CFAP221: variants seen among roughly 807,000 people sequenced by gnomAD.
CFAP221 encodes the protein cilia- and flagella-associated protein 221.
CFAP221 carries 97 observed loss-of-function variants against 113.1 expected under a neutral mutation model. That is an observed-to-expected ratio of 0.86 (90% CI 0.73 to 1.02). CFAP221 has a LOEUF of 1.02. CFAP221 is among the 50% of genes least tolerant of loss of function. The pLI is 0.00. For missense variants in CFAP221, 1,025 were observed against 1,013.4 expected, an observed-to-expected ratio of 1.01 and a Z score of -0.16; for synonymous variants, 331 against 354.4, an observed-to-expected ratio of 0.93 and a Z score of 0.74.
chr2:119,587,111 T>G lies in CFAP221; in HGVS notation c.528-8T>G. 6.7e-7 allele frequency: 1 copy of G among 1,492,166 alleles called. No individual in the cohort carries two copies. Among genetic ancestry groups the G allele is most frequent in the Non-Finnish European group, 8.9e-7 (1 of 1,127,758 alleles). The allele number at this position is 1,492,166 out of a possible 1,614,324, so 92.4% of individuals were successfully genotyped here. ...ATATTTTTATTTTCTTTTTTGTTTG[T>G]TTTGCAGCAAAACTTATGTTATTCC... On this transcript the variant is annotated splice_polypyrimidine_tract_variant and splice_region_variant and intron_variant, in intron 6 of 23. Transcript: ENST00000413369.
chr2:119,618,849 G>A (rs896778288), intron 14 of CFAP221, among the ~76,000 whole-genome samples: 5 of 152,080 alleles, frequency 3.3e-5, no homozygotes, highest in South Asian at 2.1e-4. Flanking sequence ...TGAAATTCTC[G>A]CTGCCAGCAC....
rs1378038760 is a variant in CFAP221 at position 119,584,980 on chromosome 2, T to C, written c.528-2139T>C. ...TCTACTGCAGGTGCATGTGGAGTCA[T>C]GCAGTAGGATCTTCACTGCCACATT... is the stretch of plus-strand genomic sequence containing the variant. On this transcript the variant is annotated intron_variant, in intron 6 of 23. Transcript: ENST00000413369. Among the ~76,000 whole-genome samples, 4 of 152,224 alleles carry C rather than the reference T, an allele frequency of 2.6e-5. No homozygotes were observed. The South Asian group carries it at 6.2e-4, about 24-fold the overall frequency.
At chr2:119,608,620 G>A in intron 12 of CFAP221, 31 bp downstream of exon 12, 1 of 1,562,046 alleles carries the variant, frequency 6.4e-7, no homozygotes, top group South Asian at 1.1e-5. Context: ...GCTATCATTT[G>A]TTTCGCTAGA....
downstream of CFAP221, among the ~76,000 whole-genome samples, chr2:119,658,608 C>A (rs1688525613): frequency 6.6e-6 from 1 of 150,992 alleles, no homozygotes; most frequent in African/African-American, 2.5e-5. Flanking sequence ...ATACTGAGCC[C>A]CCCTCAACAC....
At chr2:119,632,841 A>G (rs538247533) in intron 19 of CFAP221, among the ~76,000 whole-genome samples, 45 of 152,300 alleles carry the variant, frequency 3.0e-4, no homozygotes, top group South Asian at 1.2e-3. Context: ...TCTGTATACT[A>G]GCAACAAACA....
rs370348408 is a variant in CFAP221 at position 119,656,518 on chromosome 2, G to A, written c.*48G>A. On this transcript the variant is annotated 3_prime_UTR_variant, in exon 24 of 24. Coordinates refer to ENST00000413369, the MANE Select transcript of CFAP221 (RefSeq NM_001271049.2). The stretch of plus-strand genomic sequence containing the variant: ...TTCCATTTGCTTTCCGTGGGCCACT[G>A]TGGCCCCTTGCGTCCATTTACATGC... 1 of 1,350,274 alleles carries A rather than the reference G, an allele frequency of 7.4e-7. No homozygotes were observed. The highest frequency in any genetic ancestry group is 2.3e-5 in the East Asian group (1 of 43,040). The allele number at this position is 1,350,274 out of a possible 1,614,324, so 83.6% of individuals were successfully genotyped here.
At chr2:119,581,423 C>T (rs6706143) in intron 6 of CFAP221, among the ~76,000 whole-genome samples, 28,654 of 151,744 alleles carry the variant, frequency 0.19, 2,888 homozygotes, top group African/African-American at 0.25. Context: ...ATATAGTCAC[C>T]GAAAACTTAA....
intron 12 of CFAP221, among the ~76,000 whole-genome samples, chr2:119,610,730 A>G (rs1472991127): frequency 6.6e-6 from 1 of 152,180 alleles, no homozygotes; most frequent in Non-Finnish European, 1.5e-5. Flanking sequence ...TGTTAATGTG[A>G]TGATCAGAAT....
chr2:119,590,157 T>A (rs1574073842), intron 7 of CFAP221: 1 of 152,108 alleles, frequency 6.6e-6, no homozygotes, highest in East Asian at 1.9e-4. Context: ...TAAGCAAGAG[T>A]TCCTTGGGGG....
chr2:119,568,464 A>G (rs1362300145), intron 6 of CFAP221, among the ~76,000 whole-genome samples: 1 of 151,946 alleles, frequency 6.6e-6, no homozygotes, highest in Non-Finnish European at 1.5e-5. Flanking sequence ...TGCATTAGCT[A>G]TTTTTCCTAA....
intron 7 of CFAP221, among the ~76,000 whole-genome samples, chr2:119,590,912 G>T (rs1406597738): frequency 6.6e-6 from 1 of 152,210 alleles, no homozygotes; most frequent in Non-Finnish European, 1.5e-5. Flanking sequence ...TCAAAGGGAG[G>T]GTGAGACCAG....
intron 6 of CFAP221, among the ~76,000 whole-genome samples, chr2:119,578,899 A>G (rs1682643938): frequency 6.6e-6 from 1 of 152,184 alleles, no homozygotes; most frequent in Admixed American, 6.5e-5. Context: ...AAGTAAGTTC[A>G]AGATCATTTG....
At chr2:119,604,638 T>G (rs1361200847) in intron 8 of CFAP221, 34 bp from the exon 9 acceptor site, 2 of 1,498,278 alleles carry the variant, frequency 1.3e-6, no homozygotes, top group African/African-American at 2.8e-5. Context: ...GTTAATGGCT[T>G]ATTTACTAAT....
chr2:119,575,958 T>C (rs1348682880), intron 6 of CFAP221, among the ~76,000 whole-genome samples: 1 of 152,108 alleles, frequency 6.6e-6, no homozygotes, highest in Non-Finnish European at 1.5e-5. Context: ...CCTAGTGTCT[T>C]CAGAATTCTT....
At chr2:119,552,116 A>G (rs1315254868) in intron 3 of CFAP221, among the ~76,000 whole-genome samples, 2 of 151,332 alleles carry the variant, frequency 1.3e-5, no homozygotes, top group Admixed American at 6.6e-5. Flanking sequence ...AAAATTAACA[A>G]CATAACACTT....
chr2:119,622,190 C>T (rs537168229), intron 14 of CFAP221, among the ~76,000 whole-genome samples: 1 of 152,258 alleles, frequency 6.6e-6, no homozygotes, highest in East Asian at 1.9e-4. Flanking sequence ...AGGTTATCAC[C>T]ACTGATCCCA....
At chr2:119,625,500 G>C (rs186863946) in intron 14 of CFAP221, 83 bp from the exon 15 acceptor site, 2 of 1,193,570 alleles carry the variant, frequency 1.7e-6, no homozygotes, top group East Asian at 5.0e-5. Context: ...TCTTAGTGTG[G>C]TTGGGGAAAG....
rs1685183238 is a variant in CFAP221 at position 119,611,762 on chromosome 2, T to G, written c.1311+20T>G. On this transcript the variant is annotated intron_variant, in intron 13 of 23. Coordinates refer to ENST00000413369, the MANE Select transcript of CFAP221 (RefSeq NM_001271049.2). The stretch of plus-strand genomic sequence containing the variant: ...GAAGAGGTGGGTAACTTTCCTTTAT[T>G]TAGAATCTGATTATTGGCAGCTCTT... The G allele has an allele frequency of 6.4e-7, 1 of 1,570,534 alleles. No homozygotes were observed. Among genetic ancestry groups the G allele is most frequent in the Non-Finnish European group, 8.7e-7 (1 of 1,143,934 alleles).
intron 6 of CFAP221, among the ~76,000 whole-genome samples, chr2:119,585,465 TG>T (rs1683148836): frequency 6.6e-6 from 1 of 152,118 alleles, no homozygotes; most frequent in African/African-American, 2.4e-5. Context: ...GGGAGAGAAT[TG>T]GGGAAGGAGC....
Sources: allele counts gnomAD v4.1 joint callset (sites outside exome capture counted in the v4.1 genomes callset), GRCh38; gene constraint gnomAD v4.1.1; transcripts MANE v1.5; gene names NCBI Gene and HGNC (gene_info 2026-07-23, HGNC 2026-07-21).